Variants in TNXB observed in about 807,000 individuals in gnomAD.
TNXB encodes the protein tenascin XB.
A neutral mutation model predicts 340.5 loss-of-function variants in TNXB; 183 were observed. That is an observed-to-expected ratio of 0.54 (90% CI 0.48 to 0.61). The LOEUF is 0.61. TNXB is among the 20% of genes least tolerant of loss of function. The pLI is 0.00. For missense variants in TNXB, 4,613 were observed against 5,446.4 expected (o/e 0.85, Z 4.82); for synonymous variants, 2,121 against 2,314.5 (o/e 0.92, Z 2.40).
At position 32,086,016 on chromosome 6, in the gene TNXB, T is replaced by G. The variant is rs551174904; in HGVS notation, c.2882A>C (p.Gln961Pro). 10 of 1,606,302 alleles carry G rather than the reference T, an allele frequency of 6.2e-6. No homozygotes were observed. The highest frequency in any genetic ancestry group is 5.1e-6 in the Non-Finnish European group (6 of 1,178,186). The change falls in exon 7 of 44, where the codon CAG (glutamine) becomes CCG (proline). Residue 961 changes from glutamine (Q) to proline (P), a missense_variant. Coordinates refer to ENST00000644971, the MANE Select transcript of TNXB (RefSeq NM_001365276.2). ...AQAPLLQQRP[Q>P]ELGELRVLGR... ...CAGCACCCTCAACTCTCCCAGCTCCTGGGGGCGCTGCTGCAGGAGAGGAGC... is the reference window on the plus strand; with the variant it reads ...CAGCACCCTCAACTCTCCCAGCTCCGGGGGGCGCTGCTGCAGGAGAGGAGC...
At position 32,072,806 on chromosome 6, in the gene TNXB, C is replaced by G. The variant is rs982767766; in HGVS notation, c.4682-508G>C. Among the ~76,000 whole-genome samples the G allele has an allele frequency of 6.6e-6, 1 of 152,132 alleles. No homozygotes were observed. The highest frequency in any genetic ancestry group is 1.5e-5 in the Non-Finnish European group (1 of 68,034). On this transcript the variant is annotated intron_variant, in intron 12 of 43. Coordinates refer to ENST00000644971, the MANE Select transcript of TNXB (RefSeq NM_001365276.2). The surrounding 1 kb of genome is among the most constrained non-coding windows in gnomAD (Gnocchi z 4.4). ...TTCTACTAAAAATACAAAAAATTAGCTGGGTGTGGTGGCACGTGCCCGTAA... is the reference window on the plus strand; with the variant it reads ...TTCTACTAAAAATACAAAAAATTAGGTGGGTGTGGTGGCACGTGCCCGTAA...
At position 32,075,740 on chromosome 6, in the gene TNXB, G is replaced by A. The variant is rs1254418149; in HGVS notation, c.4376-1788C>T. 1.3e-5 allele frequency among the ~76,000 whole-genome samples: 2 copies of A among 152,186 alleles called. No homozygotes were observed. Among genetic ancestry groups the A allele is most frequent in the Non-Finnish European group, 2.9e-5 (2 of 68,026 alleles). ...CACAGATGTCTGTAAAATAATGAGT[G>A]GTCTACAGGTCTGGGCTCAGGACCT... On this transcript the variant is annotated intron_variant, in intron 11 of 43. Coordinates refer to ENST00000644971, the MANE Select transcript of TNXB (RefSeq NM_001365276.2). This position sits in a 1 kb window ranked among gnomAD's most constrained non-coding sequence, Gnocchi z 4.6.
chr6:32,053,149 G>A (rs1369208393), intron 25 of TNXB, among the ~76,000 whole-genome samples, 156 bp from the exon 26 acceptor site: 1 of 152,114 alleles, frequency 6.6e-6, no homozygotes, highest in Non-Finnish European at 1.5e-5. Flanking sequence ...TCAGTTTACA[G>A]TCAACACACA....
chr6:32,057,987 T>C (rs1458872253), intron 22 of TNXB, 71 bp downstream of exon 22: 6 of 1,494,300 alleles, frequency 4.0e-6, no homozygotes, highest in Non-Finnish European at 5.4e-6. Flanking sequence ...GAAATATGTA[T>C]AGGAAAATGG....
rs1780368296 is a variant in TNXB, at chr6:32,096,390, G to T, written c.1463C>A (p.Thr488Lys). Residue 488 changes from threonine (T) to lysine (K), a missense_variant, in exon 3 of 44, where the codon ACA (threonine) becomes AAA (lysine). Thr to Lys is a moderately conservative substitution (Grantham distance 78). Around this residue, in one of 7 missense-constraint regions of TNXB, gnomAD observed 4,327 missense variants for 4,859.4 expected, o/e 0.89. Transcript: ENST00000644971. ...SGRCMCWPGYTGRDCGTRACP... is the reference protein window; with the variant it reads ...SGRCMCWPGYKGRDCGTRACP... ...GGCGCGCGTGCCGCAGTCCCGGCCTGTGTACCCCGGCCAACACATGCAGCG... is the reference window on the plus strand; with the variant it reads ...GGCGCGCGTGCCGCAGTCCCGGCCTTTGTACCCCGGCCAACACATGCAGCG... The T allele has an allele frequency of 6.4e-7, 1 of 1,571,478 alleles. No individual in the cohort carries two copies. The highest frequency in any genetic ancestry group is 8.6e-7 in the Non-Finnish European group (1 of 1,166,486).
At position 32,080,744 on chromosome 6, in the gene TNXB, A is replaced by G. The variant is rs1221470843; in HGVS notation, c.4042+624T>C. Among the ~76,000 whole-genome samples the G allele has an allele frequency of 6.6e-6, 1 of 152,178 alleles. No individual in the cohort carries two copies. Among genetic ancestry groups the G allele is most frequent in the African/African-American group, 2.4e-5 (1 of 41,440 alleles). ...TCTCTCATCAAATAATTCACAGGCC[A>G]GGGGAATGGCACTGGACAGGGAAAG... On this transcript the variant is annotated intron_variant, in intron 10 of 43. Transcript: ENST00000644971. This position sits in a 1 kb window ranked among gnomAD's most constrained non-coding sequence, Gnocchi z 4.3.
Position 32,046,332 on chromosome 6 carries a change from G to A in TNXB, c.10449C>T (p.Tyr3483=), listed in dbSNP as rs1385637261. The change falls in exon 31 of 44, where the codon TAC becomes TAT. Residue 3483 remains tyrosine (Y), a synonymous_variant. Coordinates refer to ENST00000644971, the MANE Select transcript of TNXB (RefSeq NM_001365276.2). This position sits in a 1 kb window ranked among gnomAD's most constrained non-coding sequence, Gnocchi z 6.9. ...CCCTGGGCTGCCCGTCCGTGTCCCT[G>A]TACTGGACCACGAAGGAGTCAAAGG... is the stretch of plus-strand genomic sequence containing the variant. ...QGPFDSFVVQ[Y]RDTDGQPRAV... 1 of 1,606,098 alleles carries A rather than the reference G, an allele frequency of 6.2e-7. No individual in the cohort carries two copies. Among genetic ancestry groups the A allele is most frequent in the Non-Finnish European group, 8.5e-7 (1 of 1,177,780 alleles).
In TNXB at chr6:32,062,503, G is replaced by C. The variant is rs1452412361; in HGVS notation, c.6842-20C>G. ...CTGGGGCTGCATCAGAAAATAGAAT[G>C]GGTGGGCATGCCTGGTGGGCCTCCT... On this transcript the variant is annotated intron_variant, in intron 19 of 43. Transcript: ENST00000644971. The surrounding 1 kb of genome is among the most constrained non-coding windows in gnomAD (Gnocchi z 4.3). 1 of 1,574,094 alleles carries C rather than the reference G, an allele frequency of 6.4e-7. No homozygotes were observed. Among genetic ancestry groups the C allele is most frequent in the Admixed American group, 1.8e-5 (1 of 54,366 alleles).
rs779936622 is a variant in TNXB at position 32,079,112 on chromosome 6, G to C, written c.4296C>G (p.Pro1432=). 2 of 1,613,762 alleles carry C rather than the reference G, an allele frequency of 1.2e-6. No homozygotes were observed. The highest frequency in any genetic ancestry group is 1.7e-6 in the Non-Finnish European group (2 of 1,179,876). The part of the protein sequence containing the change: ...ESEVTVGGLE[P]GHKYKMHLYG... Reference sequence around the variant, plus strand: ...ACAGGTGCATCTTGTACTTGTGCCCGGGCTCTAGGCCTCCCACGGTGACCT... The same window carrying C: ...ACAGGTGCATCTTGTACTTGTGCCCCGGCTCTAGGCCTCCCACGGTGACCT... The change falls in exon 11 of 44, where the codon CCC becomes CCG. Residue 1432 remains proline (P), a synonymous_variant. Coordinates refer to ENST00000644971, the MANE Select transcript of TNXB (RefSeq NM_001365276.2). The surrounding 1 kb of genome is among the most constrained non-coding windows in gnomAD (Gnocchi z 7.1).
At chr6:32,053,315 C>A (rs938914190) in intron 25 of TNXB, 73 bp downstream of exon 25, 3 of 1,549,360 alleles carry the variant, frequency 1.9e-6, no homozygotes, top group Admixed American at 3.9e-5. Context: ...GCTTCCTGGG[C>A]CAGTTCACCC....
chr6:32,097,127 G>T lies in TNXB; in HGVS notation c.726C>A (p.Pro242=). The T allele has an allele frequency of 1.9e-6, 3 of 1,608,580 alleles. No homozygotes were observed. Among genetic ancestry groups the T allele is most frequent in the Non-Finnish European group, 2.5e-6 (3 of 1,177,860 alleles). ...VCVCRAGFSG[P]DCSQRSCPRG... is the part of the protein sequence containing the mutation. The stretch of plus-strand genomic sequence containing the variant: ...GAGGGCAGGAGCGCTGGCTGCAGTC[G>T]GGGCCTGAGAAGCCTGCCCGGCACA... Residue 242 remains proline, a synonymous_variant, in exon 3 of 44, where the codon CCC becomes CCA. Transcript: ENST00000644971. This position sits in a 1 kb window ranked among gnomAD's most constrained non-coding sequence, Gnocchi z 5.9.
chr6:32,099,946 T>TA (rs34833929), intron 1 of TNXB, among the ~76,000 whole-genome samples: 22,707 of 62,854 alleles, frequency 0.36, 3,782 homozygotes, highest in Non-Finnish European at 0.43. Context: ...CATCCCTAAG[T>TA]AAAAAAAAAA....
At chr6:32,066,786 C>T (rs772624537) in intron 18 of TNXB, among the ~76,000 whole-genome samples, 24 of 152,152 alleles carry the variant, frequency 1.6e-4, no homozygotes, top group Non-Finnish European at 2.2e-4. Flanking sequence ...ATAAAGAAAA[C>T]ATTCAGGCCG....
rs34605198 is a variant in TNXB, at chr6:32,052,450, CAAA to C, written c.9115+217_9115+219del. 8.4e-6 allele frequency among the ~76,000 whole-genome samples: 1 copy of C among 118,810 alleles called. No individual in the cohort carries two copies. 77.9% of individuals were successfully genotyped at this position (118,810 alleles called of 152,430 possible). ...TGGGTGACAAAGCGAGACTCTATCT[CAAA>C]AAAAAAAAAAAGAAAGAAAGAAAAA... On this transcript the variant is annotated intron_variant, in intron 26 of 43. Coordinates refer to ENST00000644971, the MANE Select transcript of TNXB (RefSeq NM_001365276.2). This position sits in a 1 kb window ranked among gnomAD's most constrained non-coding sequence, Gnocchi z 4.7.
chr6:32,087,189 G>C lies in TNXB; in HGVS notation c.2780-1071C>G. 2 of 469,270 alleles carry C rather than the reference G, an allele frequency of 4.3e-6. No individual in the cohort carries two copies. The highest frequency in any genetic ancestry group is 4.5e-5 in the Admixed American group (2 of 44,310). 29.1% of individuals were successfully genotyped at this position (469,270 alleles called of 1,614,324 possible). A position where few individuals can be genotyped will look rare whatever the true frequency, so the allele number is the denominator to read the frequency against. On this transcript the variant is annotated intron_variant, in intron 6 of 43. Transcript: ENST00000644971. The surrounding 1 kb of genome is among the most constrained non-coding windows in gnomAD (Gnocchi z 9.0). ...GCAGTGGGAGGAATTCATGAATGCA[G>C]GCTCCAACGGCAGGTGAGGCTGGAC...
chr6:32,068,581 G>C lies in TNXB; in HGVS notation c.6029C>G (p.Pro2010Arg), dbSNP rs897925440. The C allele has an allele frequency of 3.2e-5, 51 of 1,613,870 alleles. No homozygotes were observed. The highest frequency in any genetic ancestry group is 4.1e-5 in the Non-Finnish European group (48 of 1,179,916). Residue 2010 changes from proline (P) to arginine (R), a missense_variant, in exon 17 of 44, where the codon CCC becomes CGC. Pro to Arg is a moderately radical substitution (Grantham distance 103, BLOSUM62 -2). Coordinates refer to ENST00000644971, the MANE Select transcript of TNXB (RefSeq NM_001365276.2). This position sits in a 1 kb window ranked among gnomAD's most constrained non-coding sequence, Gnocchi z 5.3. Reference sequence around the variant, plus strand: ...CAGGAAGTGGTCAAACTGTCCCTCGGGAACTGTCCAGGACAGGCTGAGGGA... The same window carrying C: ...CAGGAAGTGGTCAAACTGTCCCTCGCGAACTGTCCAGGACAGGCTGAGGGA... ...PDSLSLSWTVPEGQFDHFLVQ... is the reference protein window; with the variant it reads ...PDSLSLSWTVREGQFDHFLVQ...
chr6:32,053,897 C>A (rs1447749289), intron 24 of TNXB, among the ~76,000 whole-genome samples, 186 bp from the exon 25 acceptor site: 1 of 147,410 alleles, frequency 6.8e-6, no homozygotes, highest in Non-Finnish European at 1.5e-5. Flanking sequence ...CTGCCCTCAG[C>A]CCCCACCTCA....
Position 32,081,752 on chromosome 6 carries a change from CTA to C in TNXB, c.3737-81_3737-80del. 1 of 936,878 alleles carries C rather than the reference CTA, an allele frequency of 1.1e-6. No homozygotes were observed. Among genetic ancestry groups the C allele is most frequent in the Admixed American group, 2.6e-5 (1 of 38,852 alleles). 58.0% of individuals were successfully genotyped at this position (936,878 alleles called of 1,614,324 possible). ...TTGGGGTTTCGACGGGATGTCACAC[CTA>C]TGGGGGGTGGGGGGTCACTAGTCCA... is the stretch of plus-strand genomic sequence containing the variant. On this transcript the variant is annotated intron_variant, in intron 9 of 43. Coordinates refer to ENST00000644971, the MANE Select transcript of TNXB (RefSeq NM_001365276.2). The surrounding 1 kb of genome is among the most constrained non-coding windows in gnomAD (Gnocchi z 5.1).
At position 32,069,420 on chromosome 6, in the gene TNXB, A is replaced by G. The variant is rs953172552; in HGVS notation, c.5587+133T>C. 4 of 1,145,322 alleles carry G rather than the reference A, an allele frequency of 3.5e-6. No individual in the cohort carries two copies. The highest frequency in any genetic ancestry group is 1.6e-5 in the African/African-American group (1 of 64,330). The allele number at this position is 1,145,322 out of a possible 1,614,324, so 70.9% of individuals were successfully genotyped here. A position where few individuals can be genotyped will look rare whatever the true frequency, so the allele number is the denominator to read the frequency against. The stretch of plus-strand genomic sequence containing the variant: ...GGCTGGGACTGGGGCAACTGACTCT[A>G]AAGGGGCACAAGGAAACTTTCTGGA... On this transcript the variant is annotated intron_variant, in intron 15 of 43. Transcript: ENST00000644971. This position sits in a 1 kb window ranked among gnomAD's most constrained non-coding sequence, Gnocchi z 6.2.
Sources: allele counts gnomAD v4.1 joint callset (sites outside exome capture counted in the v4.1 genomes callset), GRCh38; gene constraint gnomAD v4.1.1; regional missense constraint gnomAD v4.1.1; non-coding constraint Gnocchi (gnomAD v3.1); transcripts MANE v1.5; gene names NCBI Gene and HGNC (gene_info 2026-07-23, HGNC 2026-07-21).